Variants in RHOBTB2 observed in about 807,000 individuals in gnomAD.
The protein encoded by RHOBTB2 is Rho related BTB domain containing 2.
Under a neutral mutation model 66.5 loss-of-function variants are expected in RHOBTB2, and 39 were observed. The ratio of observed to expected loss-of-function variants is 0.59; its 90% CI spans 0.45 to 0.77. The LOEUF (loss-of-function observed/expected upper bound fraction) is 0.77. RHOBTB2 is among the 30% of genes least tolerant of loss of function. The probability of loss-of-function intolerance (pLI) is 0.00; values close to 1 mark genes in which losing one functional copy is unlikely to be tolerated. For missense variants in RHOBTB2, 755 were observed against 999.1 expected, an observed-to-expected ratio of 0.76 and a Z score of 3.29; for synonymous variants, 390 against 395.0, an observed-to-expected ratio of 0.99 and a Z score of 0.15.
chr8:22,969,972 G>T, the RHOBTB2 span, among the ~76,000 whole-genome samples: 1 of 152,180 alleles, frequency 6.6e-6, no homozygotes, highest in East Asian at 1.9e-4. Context: ...GGCTGGTCTT[G>T]AACACCTAGA....
At chr8:23,008,188 G>GT in intron 6 of RHOBTB2, 77 bp downstream of exon 6, 1 of 1,006,242 alleles carries the variant, frequency 9.9e-7, no homozygotes, top group Non-Finnish European at 1.5e-6. Flanking sequence ...CTGCCACTCA[G>GT]GGTACTTTCT....
rs1421492537 is a variant in RHOBTB2 at position 23,004,999 on chromosome 8, C to T, written c.192+373C>T. 6.6e-6 allele frequency among the ~76,000 whole-genome samples: 1 copy of T among 152,074 alleles called. No individual in the cohort carries two copies. Among genetic ancestry groups the T allele is most frequent in the Non-Finnish European group, 1.5e-5 (1 of 67,996 alleles). On this transcript the variant is annotated intron_variant, in intron 2 of 9. Coordinates refer to ENST00000251822, the MANE Select transcript of RHOBTB2 (RefSeq NM_015178.3). The surrounding 1 kb of genome is among the most constrained non-coding windows in gnomAD (Gnocchi z 6.4). ...AGCTGATAGCAAAAGACCAGAGGCTCACAAACATGCAGTTTGCAAGGAAAG... is the reference window on the plus strand; with the variant it reads ...AGCTGATAGCAAAAGACCAGAGGCTTACAAACATGCAGTTTGCAAGGAAAG...
At chr8:23,013,911 T>C (rs1811217442) in intron 7 of RHOBTB2, among the ~76,000 whole-genome samples, 1 of 152,238 alleles carries the variant, frequency 6.6e-6, no homozygotes, top group South Asian at 2.1e-4. Context: ...TTGGCTTGAC[T>C]CCAGAGTCTT....
the RHOBTB2 span, among the ~76,000 whole-genome samples, chr8:22,965,506 G>C: frequency 1.3e-5 from 2 of 152,142 alleles, no homozygotes; most frequent in African/African-American, 4.8e-5. Context: ...AAAGTTAGAA[G>C]ACTCATACTT....
chr8:22,959,983 G>A, the RHOBTB2 span, among the ~76,000 whole-genome samples: 3 of 143,588 alleles, frequency 2.1e-5, no homozygotes, highest in Admixed American at 2.1e-4. Context: ...GACCAACATG[G>A]TGAAGCCCCA....
chr8:22,952,426 G>A, the RHOBTB2 span, among the ~76,000 whole-genome samples: 1 of 152,072 alleles, frequency 6.6e-6, no homozygotes, highest in African/African-American at 2.4e-5. Context: ...GCAGGAGTCT[G>A]TACTTCTTCC....
intron 2 of RHOBTB2, among the ~76,000 whole-genome samples, chr8:23,005,064 A>G (rs1810906023): frequency 6.6e-6 from 1 of 151,944 alleles, no homozygotes; most frequent in African/African-American, 2.4e-5. Flanking sequence ...CCCCTTCCAC[A>G]CCCATAGCAG....
chr8:22,975,895 C>G, the RHOBTB2 span, among the ~76,000 whole-genome samples: 1 of 152,106 alleles, frequency 6.6e-6, no homozygotes, highest in African/African-American at 2.4e-5. Context: ...CACCTGTAAT[C>G]TCAGCACTTT....
upstream of RHOBTB2, among the ~76,000 whole-genome samples, chr8:22,983,352 A>G (rs1248980458): frequency 4.0e-5 from 6 of 150,692 alleles, no homozygotes; most frequent in African/African-American, 1.5e-4. Flanking sequence ...AAAAAAAAAC[A>G]AAAAAGAAGA....
In RHOBTB2 at chr8:23,007,952, G is replaced by T. The variant is rs1375189554; in HGVS notation, c.1502-41G>T. 5 of 1,587,088 alleles carry T rather than the reference G, an allele frequency of 3.2e-6. No homozygotes were observed. The South Asian group carries it at 5.5e-5, about 18-fold the overall frequency. On this transcript the variant is annotated intron_variant, in intron 5 of 9. Coordinates refer to ENST00000251822, the MANE Select transcript of RHOBTB2 (RefSeq NM_015178.3). ...GCTCCCCTTGGGGCTTGTTCTCCCA[G>T]CTTCTTTCACCAGTCCTCCTGTGAT...
chr8:22,958,573 AG>A, the RHOBTB2 span, among the ~76,000 whole-genome samples: 13 of 152,086 alleles, frequency 8.5e-5, no homozygotes, highest in Non-Finnish European at 5.9e-5. Flanking sequence ...TTGAGGCAGC[AG>A]GATTTCTTGA....
At chr8:22,977,267 C>A in the RHOBTB2 span, among the ~76,000 whole-genome samples, 2 of 152,116 alleles carry the variant, frequency 1.3e-5, no homozygotes, top group Non-Finnish European at 2.9e-5. Flanking sequence ...TTTCCTGGAA[C>A]ACAGTGGATG....
At chr8:22,991,160 G>A (rs150365609) in intron 1 of RHOBTB2, among the ~76,000 whole-genome samples, 196 of 152,228 alleles carry the variant, frequency 1.3e-3, no homozygotes, top group Middle Eastern at 6.8e-3. Context: ...CTGTGGGTCC[G>A]GAGAAGGCCA....
the RHOBTB2 span, among the ~76,000 whole-genome samples, chr8:22,956,008 C>T: frequency 6.6e-6 from 1 of 152,190 alleles, no homozygotes; most frequent in East Asian, 1.9e-4. Context: ...GGCTCTGGGA[C>T]CCTACCTATG....
chr8:23,006,998 CA>C lies in RHOBTB2; in HGVS notation c.754del (p.Ser252AlafsTer49). ...IIVVPDPPSS[S>X]EECPAHLLED... ...TCGTGGTGCCCGACCCTCCCTCCAG[CA>C]GCGAGGAGTGCCCCGCCCACCTCCT... On this transcript the variant is annotated frameshift_variant, in exon 5 of 10. Transcript: ENST00000251822. LOFTEE classifies it high-confidence loss of function. This position sits in a 1 kb window ranked among gnomAD's most constrained non-coding sequence, Gnocchi z 6.1. The C allele has an allele frequency of 6.2e-7, 1 of 1,609,732 alleles. No individual in the cohort carries two copies. Among genetic ancestry groups the C allele is most frequent in the Non-Finnish European group, 8.5e-7 (1 of 1,179,604 alleles).
the RHOBTB2 span, among the ~76,000 whole-genome samples, chr8:22,959,759 T>G: frequency 6.6e-6 from 1 of 151,946 alleles, no homozygotes. Flanking sequence ...CAATCAAAAT[T>G]AAGGCTGTTC....
At position 23,014,750 on chromosome 8, in the gene RHOBTB2, A is replaced by ACGTCC; in HGVS notation, c.1833_1837dup (p.Leu613ProfsTer40). 6.2e-7 allele frequency: 1 copy of ACGTCC among 1,614,088 alleles called. No individual in the cohort carries two copies. The highest frequency in any genetic ancestry group is 8.5e-7 in the Non-Finnish European group (1 of 1,179,962). On this transcript the variant is annotated frameshift_variant, in exon 8 of 10. Coordinates refer to ENST00000251822, the MANE Select transcript of RHOBTB2 (RefSeq NM_015178.3). LOFTEE classifies it high-confidence loss of function. ...CAGATGATGGTGGACATCGATGGGGACGTCCTTGTGTTCCTGGAACTGGCT... is the reference window on the plus strand; with the variant it reads ...CAGATGATGGTGGACATCGATGGGGACGTCCCGTCCTTGTGTTCCTGGAACTGGCT...
chr8:22,955,387 C>T, the RHOBTB2 span, among the ~76,000 whole-genome samples: 2 of 151,996 alleles, frequency 1.3e-5, no homozygotes, highest in African/African-American at 4.8e-5. Flanking sequence ...ACTGTGGCCC[C>T]CGAGGTTTAC....
rs1305389836 is a variant in RHOBTB2, at chr8:23,004,054, C to T, written c.-10-371C>T. 1.5e-5 allele frequency: 5 copies of T among 322,858 alleles called. No homozygotes were observed. The highest frequency in any genetic ancestry group is 4.3e-5 in the Admixed American group (1 of 23,158). The allele number at this position is 322,858 out of a possible 1,614,324, so 20.0% of individuals were successfully genotyped here. On this transcript the variant is annotated intron_variant, in intron 1 of 9. Transcript: ENST00000251822. This position sits in a 1 kb window ranked among gnomAD's most constrained non-coding sequence, Gnocchi z 6.4. ...TGTTGTTCTGCTGCCACTGCTCTGCCGGGGAAGGAGGAGGAGAGCAGATGA... is the reference window on the plus strand; with the variant it reads ...TGTTGTTCTGCTGCCACTGCTCTGCTGGGGAAGGAGGAGGAGAGCAGATGA...
Sources: gnomAD v4.1 joint callset for allele counts (sites outside exome capture counted in the v4.1 genomes callset) on GRCh38, gnomAD v4.1.1 for gene constraint, Gnocchi (gnomAD v3.1) non-coding constraint, MANE v1.5 for transcripts, NCBI Gene and HGNC (gene_info 2026-07-23, HGNC 2026-07-21) for gene names.